The following NFATC2 variants were observed in gnomAD, a reference collection of about 807,000 sequenced individuals.
NFATC2 encodes the protein nuclear factor of activated T cells 2, also known as nuclear factor of activated T-cells, cytoplasmic 2.
A neutral mutation model predicts 87.3 loss-of-function variants in NFATC2; 22 were observed. The observed-to-expected ratio is 0.25, with a 90% confidence interval of 0.18 to 0.36. The LOEUF (loss-of-function observed/expected upper bound fraction) is 0.36, where lower values mean the gene tolerates loss of function less well. Among genes scored for constraint, NFATC2 ranks in the 10% least tolerant of loss-of-function variants. NFATC2 has a pLI of 1.00. For missense variants in NFATC2, 1,149 were observed against 1,259.1 expected, an observed-to-expected ratio of 0.91 and a Z score of 1.32; for synonymous variants, 565 against 542.2, an observed-to-expected ratio of 1.04 and a Z score of -0.58.
chr20:51,395,565 ACAGAGG>A (rs1986940235), intron 10 of NFATC2, among the ~76,000 whole-genome samples: 2 of 42,518 alleles, frequency 4.7e-5, no homozygotes, highest in African/African-American at 5.3e-4. Context: ...TCATCCTTAG[ACAGAGG>A]TGCCCTAAAA....
intron 3 of NFATC2, among the ~76,000 whole-genome samples, chr20:51,488,844 A>T (rs1431940412): frequency 1.3e-5 from 2 of 152,144 alleles, no homozygotes; most frequent in Non-Finnish European, 2.9e-5. Flanking sequence ...AGCAAATGAG[A>T]TCCTATCACT....
chr20:51,501,533 C>T (rs1050989729), intron 3 of NFATC2, among the ~76,000 whole-genome samples: 3 of 152,210 alleles, frequency 2.0e-5, no homozygotes, highest in African/African-American at 2.4e-5. Flanking sequence ...TTTCCTACCA[C>T]GCTGGCTCCC....
intron 5 of NFATC2, among the ~76,000 whole-genome samples, chr20:51,464,187 T>C (rs1203637772): frequency 1.3e-5 from 2 of 152,254 alleles, no homozygotes; most frequent in South Asian, 2.1e-4. Context: ...TTTACAGAAC[T>C]ACGGGAGGGC....
chr20:51,508,349 ATCGT>A lies in NFATC2; in HGVS notation c.1332+8431_1332+8434del, dbSNP rs2076218366. Among the ~76,000 whole-genome samples the A allele has an allele frequency of 8.5e-5, 13 of 152,178 alleles. No individual in the cohort carries two copies. In the South Asian group the frequency reaches 2.7e-3, roughly 32 times the overall value. On this transcript the variant is annotated intron_variant, in intron 3 of 10. Coordinates refer to ENST00000371564, the MANE Select transcript of NFATC2 (RefSeq NM_012340.5). ...CTCGGAGGCCAGGGTGCAGGTCTCAATCGTTTCACAAGTCCATCCTCGACCACTG... is the reference window on the plus strand; with the variant it reads ...CTCGGAGGCCAGGGTGCAGGTCTCAATTCACAAGTCCATCCTCGACCACTG...
chr20:51,512,610 T>G (rs2076289824), intron 3 of NFATC2, among the ~76,000 whole-genome samples: 1 of 152,224 alleles, frequency 6.6e-6, no homozygotes, highest in Non-Finnish European at 1.5e-5. Context: ...AGAGAACAGC[T>G]GAGCATGGCA....
At chr20:51,414,509 C>G (rs1979749976) in intron 9 of NFATC2, among the ~76,000 whole-genome samples, 1 of 151,710 alleles carries the variant, frequency 6.6e-6, no homozygotes, top group African/African-American at 2.4e-5. Flanking sequence ...GCCAACATGG[C>G]AAAACTCCAT....
At chr20:51,482,970 G>C (rs1390961341) in intron 3 of NFATC2, among the ~76,000 whole-genome samples, 3 of 152,192 alleles carry the variant, frequency 2.0e-5, no homozygotes, top group African/African-American at 7.2e-5. Context: ...CCCAGGACAC[G>C]CGATCTGAGG....
In NFATC2 at chr20:51,390,406, T is replaced by C. The variant is rs1986189689; in HGVS notation, c.*1090A>G. ...ACTTAACAAAAATACCCACACTTCT[T>C]TTCTTGGTTGCTTTAGCCCTTCTGC... On this transcript the variant is annotated 3_prime_UTR_variant, in exon 11 of 11. Coordinates refer to ENST00000371564, the MANE Select transcript of NFATC2 (RefSeq NM_012340.5). 1 of 152,206 alleles carries C rather than the reference T, an allele frequency of 6.6e-6. No homozygotes were observed. Among genetic ancestry groups the C allele is most frequent in the Non-Finnish European group, 1.5e-5 (1 of 68,028 alleles). 9.4% of individuals were successfully genotyped at this position (152,206 alleles called of 1,614,324 possible). A position where few individuals can be genotyped will look rare whatever the true frequency, so the allele number is the denominator to read the frequency against.
chr20:51,540,004 G>C (rs1448858058), intron 1 of NFATC2, among the ~76,000 whole-genome samples: 1 of 152,110 alleles, frequency 6.6e-6, no homozygotes, highest in African/African-American at 2.4e-5. Context: ...AAATGACATG[G>C]ATAGTATACT....
chr20:51,421,851 G>C (rs1980972456), intron 9 of NFATC2, among the ~76,000 whole-genome samples: 1 of 151,066 alleles, frequency 6.6e-6, no homozygotes, highest in Admixed American at 6.6e-5. Context: ...TTTTCCAAGT[G>C]CTGAAGCAGA....
chr20:51,416,499 T>C (rs1201812284), intron 9 of NFATC2, among the ~76,000 whole-genome samples: 1 of 152,088 alleles, frequency 6.6e-6, no homozygotes. Context: ...CACATCTGTC[T>C]GGAATAAAGG....
intron 6 of NFATC2, among the ~76,000 whole-genome samples, chr20:51,437,523 G>A (rs1983748052): frequency 1.3e-5 from 2 of 152,122 alleles, no homozygotes; most frequent in Admixed American, 1.3e-4. Context: ...TGGCTCTTAA[G>A]ATTCACCCAG....
At chr20:51,469,081 G>A (rs1057451855) in intron 5 of NFATC2, among the ~76,000 whole-genome samples, 1 of 151,692 alleles carries the variant, frequency 6.6e-6, no homozygotes, top group African/African-American at 2.4e-5. Context: ...GGAGTGCAGT[G>A]GTGCAATCTT....
In NFATC2 at chr20:51,542,543, G is replaced by A. The variant is rs1023434468; in HGVS notation, c.-44C>T. 5.2e-6 allele frequency: 7 copies of A among 1,345,590 alleles called. No individual in the cohort carries two copies. Among genetic ancestry groups the A allele is most frequent in the Admixed American group, 8.3e-5 (2 of 24,108 alleles). 83.4% of individuals were successfully genotyped at this position (1,345,590 alleles called of 1,614,324 possible). ...GCTGCGGGGCCGGGGGCGAGGGCGG[G>A]CGCGGCTGGCTCTGGGACCCCTCGC... On this transcript the variant is annotated 5_prime_UTR_variant, in exon 1 of 11. Coordinates refer to ENST00000371564, the MANE Select transcript of NFATC2 (RefSeq NM_012340.5).
intron 1 of NFATC2, among the ~76,000 whole-genome samples, chr20:51,536,382 T>TA (rs1356107579): frequency 6.6e-6 from 1 of 152,156 alleles, no homozygotes; most frequent in Non-Finnish European, 1.5e-5. Flanking sequence ...CCCTGCCACT[T>TA]ACCAATGCAA....
At chr20:51,438,376 T>C (rs1053821472) in intron 6 of NFATC2, among the ~76,000 whole-genome samples, 1 of 150,492 alleles carries the variant, frequency 6.6e-6, no homozygotes, top group East Asian at 2.0e-4. Flanking sequence ...TCTCCTTGCC[T>C]GAATTGAATT....
intron 5 of NFATC2, among the ~76,000 whole-genome samples, chr20:51,470,634 T>C (rs1028720007): frequency 6.6e-5 from 10 of 152,326 alleles, no homozygotes; most frequent in Middle Eastern, 3.4e-3. Flanking sequence ...CTCCCTGTCA[T>C]TGGAGACTCT....
chr20:51,399,481 T>C (rs1288927315), intron 9 of NFATC2, among the ~76,000 whole-genome samples: 1 of 151,882 alleles, frequency 6.6e-6, no homozygotes. Context: ...TTATTAGAAA[T>C]GTCAAGTAAA....
chr20:51,477,319 C>A (rs1988797613), intron 3 of NFATC2, among the ~76,000 whole-genome samples: 1 of 151,612 alleles, frequency 6.6e-6, no homozygotes, highest in Admixed American at 6.6e-5. Context: ...GTTTTCCATC[C>A]ATCCAGTTAT....
Sources: allele counts gnomAD v4.1 joint callset (sites outside exome capture counted in the v4.1 genomes callset), GRCh38; gene constraint gnomAD v4.1.1; transcripts MANE v1.5; gene names NCBI Gene and HGNC (gene_info 2026-07-23, HGNC 2026-07-21).